The following TRPM3 variants were observed in gnomAD, a reference collection of about 807,000 sequenced individuals.
The protein encoded by TRPM3 is transient receptor potential cation channel subfamily M member 3.
In TRPM3, 77 loss-of-function variants were observed where a neutral mutation model predicts 181.2. The observed-to-expected ratio is 0.42, with a 90% CI of 0.35 to 0.51. The LOEUF is 0.51. TRPM3 is among the 20% of genes least tolerant of loss of function. The probability of loss-of-function intolerance (pLI) is 0.01; values close to 1 mark genes in which losing one functional copy is unlikely to be tolerated. For missense variants in TRPM3, 1,759 were observed against 2,196.7 expected (o/e 0.80, Z 3.98); for synonymous variants, 745 against 796.4 (o/e 0.94, Z 1.09).
chr9:71,121,119 T>C (rs1412131916), intron 1 of TRPM3, 59 bp downstream of exon 1: 4 of 1,543,480 alleles, frequency 2.6e-6, no homozygotes, highest in Non-Finnish European at 2.7e-6. Context: ...AGTCCCCAAG[T>C]TGGGTATTTA....
intron 1 of TRPM3, among the ~76,000 whole-genome samples, chr9:71,049,545 G>C (rs1408307544): frequency 6.6e-6 from 1 of 152,120 alleles, no homozygotes; most frequent in East Asian, 1.9e-4. Context: ...GTTCATGAGA[G>C]GAAAGGGGGA....
chr9:71,421,953 G>C (rs993495866), intron 1 of TRPM3, among the ~76,000 whole-genome samples: 1 of 151,872 alleles, frequency 6.6e-6, no homozygotes, highest in Admixed American at 6.6e-5. Flanking sequence ...GAGACTCAAC[G>C]TCCCTTTTTT....
At chr9:70,956,961 C>CT (rs747544684) in intron 1 of TRPM3, among the ~76,000 whole-genome samples, 4,071 of 137,368 alleles carry the variant, frequency 0.03, 136 homozygotes, top group African/African-American at 0.065. Flanking sequence ...TTCTTTCTTT[C>CT]TTTTTTTTTT....
intron 7 of TRPM3, chr9:70,776,216 G>C: frequency 7.4e-6 from 3 of 403,312 alleles, no homozygotes; most frequent in Non-Finnish European, 1.3e-5. Flanking sequence ...GATTTCACTT[G>C]AGGAAGAATT....
chr9:71,196,695 GA>G (rs1276489269), intron 1 of TRPM3, among the ~76,000 whole-genome samples: 1 of 151,868 alleles, frequency 6.6e-6, no homozygotes, highest in Non-Finnish European at 1.5e-5. Flanking sequence ...TAATAACAGG[GA>G]ACTTCTTTTT....
chr9:70,832,884 C>A (rs749657645), intron 5 of TRPM3, among the ~76,000 whole-genome samples: 1 of 152,120 alleles, frequency 6.6e-6, no homozygotes, highest in Non-Finnish European at 1.5e-5. Context: ...TGAATTCATT[C>A]ATTTGTTTAC....
At chr9:71,232,602 G>T (rs1438943471) in intron 1 of TRPM3, among the ~76,000 whole-genome samples, 1 of 143,870 alleles carries the variant, frequency 7.0e-6, no homozygotes, top group East Asian at 2.2e-4. Context: ...CCAGGTTCAA[G>T]CAATTCTCCT....
rs150129565 is a variant in TRPM3, at chr9:71,349,089, G to A, written c.183+97564C>T. On this transcript the variant is annotated intron_variant, in intron 1 of 24. Transcript: ENST00000357533. ...AAGAACATCACCTGGCTCATATTAG[G>A]GCTAGAAAAGTACTACATTCTTCTG... Among the ~76,000 whole-genome samples, 1,177 of 152,142 alleles carry A rather than the reference G, an allele frequency of 7.7e-3. 9 individuals are homozygous for A. The highest frequency in any genetic ancestry group is 0.011 in the Non-Finnish European group (753 of 67,994).
intron 1 of TRPM3, among the ~76,000 whole-genome samples, chr9:71,286,969 AATATAATTATATT>A (rs941754309): frequency 4.0e-5 from 5 of 124,944 alleles, no homozygotes; most frequent in South Asian, 2.2e-4. Context: ...AATTATATAT[AATATAATTATATT>A]ATATAATTAT....
At chr9:70,571,482 C>A (rs1341859255) in intron 22 of TRPM3, among the ~76,000 whole-genome samples, 1 of 152,108 alleles carries the variant, frequency 6.6e-6, no homozygotes, top group Non-Finnish European at 1.5e-5. Context: ...GGTTCTAAGT[C>A]CAACCCCGCG....
At chr9:70,910,419 T>C (rs1300614681) in intron 1 of TRPM3, among the ~76,000 whole-genome samples, 1 of 151,936 alleles carries the variant, frequency 6.6e-6, no homozygotes, top group Non-Finnish European at 1.5e-5. Context: ...GGGACAGGAG[T>C]AGGATATTTA....
intron 1 of TRPM3, among the ~76,000 whole-genome samples, chr9:71,387,866 A>G (rs2092962766): frequency 6.6e-6 from 1 of 152,198 alleles, no homozygotes; most frequent in Non-Finnish European, 1.5e-5. Context: ...ACGGGCACAC[A>G]CAGATGCATA....
At chr9:71,095,121 G>A (rs567480614) in intron 1 of TRPM3, among the ~76,000 whole-genome samples, 2 of 152,230 alleles carry the variant, frequency 1.3e-5, no homozygotes, top group African/African-American at 4.8e-5. Flanking sequence ...GTTTTTAACT[G>A]GAATAGGGAT....
At chr9:71,287,064 T>C (rs11142782) in intron 1 of TRPM3, among the ~76,000 whole-genome samples, 1 of 142,204 alleles carries the variant, frequency 7.0e-6, no homozygotes, top group African/African-American at 2.6e-5. Flanking sequence ...TATTATATAA[T>C]TTATATATTA....
intron 11 of TRPM3, 101 bp downstream of exon 11, chr9:70,638,959 T>C (rs928692533): frequency 7.4e-7 from 1 of 1,347,878 alleles, no homozygotes; most frequent in Non-Finnish European, 1.0e-6. Context: ...ACCATGCATT[T>C]GGACGGGAGA....
intron 1 of TRPM3, among the ~76,000 whole-genome samples, chr9:71,295,224 A>T (rs959926161): frequency 1.3e-5 from 2 of 152,212 alleles, no homozygotes; most frequent in Admixed American, 6.5e-5. Flanking sequence ...CATGAAGCTC[A>T]GCAAGGTAGG....
intron 1 of TRPM3, among the ~76,000 whole-genome samples, chr9:71,010,960 C>A (rs1405811244): frequency 1.4e-5 from 2 of 138,540 alleles, no homozygotes; most frequent in East Asian, 4.4e-4. Flanking sequence ...CACACACACA[C>A]ATAAATAGTA....
At chr9:70,899,302 T>C (rs1399620220) in intron 1 of TRPM3, among the ~76,000 whole-genome samples, 2 of 152,256 alleles carry the variant, frequency 1.3e-5, no homozygotes, top group Non-Finnish European at 2.9e-5. Context: ...TTACTGTTAC[T>C]GTTTATTTTA....
rs3073513 is a variant in TRPM3 at position 70,657,198 on chromosome 9, TAAAAAAAAA to T, written c.1346-16547_1346-16539del. On this transcript the variant is annotated intron_variant, in intron 9 of 25. Transcript: ENST00000677713. ...GTCTTTCTACACATTGGGCTTGAGG[TAAAAAAAAA>T]AAAAAAAAAAAGCTTGTACACCACT... 8.5e-5 allele frequency among the ~76,000 whole-genome samples: 10 copies of T among 117,682 alleles called. No individual in the cohort carries two copies. The South Asian group carries it at 1.3e-3, about 15-fold the overall frequency. The allele number at this position is 117,682 out of a possible 152,430, so 77.2% of individuals were successfully genotyped here.
Sources: allele counts gnomAD v4.1 joint callset (sites outside exome capture counted in the v4.1 genomes callset), GRCh38; gene constraint gnomAD v4.1.1; transcripts MANE v1.5; gene names NCBI Gene and HGNC (gene_info 2026-07-23, HGNC 2026-07-21).